The following MS4A12 variants were observed in gnomAD, a reference collection of about 807,000 sequenced individuals.
The protein encoded by MS4A12 is membrane-spanning 4-domains subfamily A member 12.
A neutral mutation model predicts 23.7 loss-of-function variants in MS4A12; 28 were observed. The ratio of observed to expected loss-of-function variants is 1.18; its 90% confidence interval spans 0.88 to 1.62. The LOEUF (loss-of-function observed/expected upper bound fraction) is 1.62. Ranked by LOEUF, MS4A12 falls within the 40% of genes most tolerant of loss-of-function variation. The pLI is 0.00. For synonymous variants in MS4A12, 108 were observed against 110.1 expected, an observed-to-expected ratio of 0.98 and a Z score of 0.12; for missense variants, 342 against 327.0, an observed-to-expected ratio of 1.05 and a Z score of -0.35.
At chr11:60,500,942 C>A (rs1038269390) in intron 2 of MS4A12, 103 bp from the exon 3 acceptor site, 2 of 1,349,718 alleles carry the variant, frequency 1.5e-6, no homozygotes, top group African/African-American at 1.5e-5. Flanking sequence ...AACGATGGAT[C>A]TCAGCAAAAT....
intron 2 of MS4A12, among the ~76,000 whole-genome samples, chr11:60,499,744 G>C (rs1029900232): frequency 6.6e-6 from 1 of 152,134 alleles, no homozygotes; most frequent in African/African-American, 2.4e-5. Flanking sequence ...TGTATTTGCA[G>C]TCTCCCTGGA....
Position 60,507,326 on chromosome 11 carries a change from G to T in MS4A12, c.*202G>T. ...ATTACCACTACTACATGCTGGCAAA[G>T]GTGAAGGATCAGAGGACTGAAAAAT... On this transcript the variant is annotated 3_prime_UTR_variant, in exon 7 of 7. Transcript: ENST00000016913. 1 of 534,096 alleles carries T rather than the reference G, an allele frequency of 1.9e-6. No individual in the cohort carries two copies. The highest frequency in any genetic ancestry group is 3.3e-6 in the Non-Finnish European group (1 of 302,344). The allele number at this position is 534,096 out of a possible 1,614,324, so 33.1% of individuals were successfully genotyped here. A position where few individuals can be genotyped will look rare whatever the true frequency, so the allele number is the denominator to read the frequency against.
intron 5 of MS4A12, among the ~76,000 whole-genome samples, chr11:60,504,649 G>T (rs1219303949): frequency 6.6e-6 from 1 of 152,140 alleles, no homozygotes; most frequent in Non-Finnish European, 1.5e-5. Context: ...TATCTATCTA[G>T]AACATATTAA....
chr11:60,500,893 C>T, intron 2 of MS4A12, 152 bp from the exon 3 acceptor site: 1 of 848,216 alleles, frequency 1.2e-6, no homozygotes, highest in Non-Finnish European at 1.8e-6. Flanking sequence ...TCAGAATCTT[C>T]ATGACCCACC....
At position 60,492,806 on chromosome 11, in the gene MS4A12, CAT is replaced by C. The variant is rs2086458826; in HGVS notation, c.-27_-26del. On this transcript the variant is annotated 5_prime_UTR_variant, in exon 1 of 7. Coordinates refer to ENST00000016913, the MANE Select transcript of MS4A12 (RefSeq NM_017716.3). Reference sequence around the variant, plus strand: ...CAGGTTGGAGCAGAGAAAGAGGAAACATAGAGGTGCCAAAGGAACAAAGTAAG... The same window carrying C: ...CAGGTTGGAGCAGAGAAAGAGGAAACAGAGGTGCCAAAGGAACAAAGTAAG... 1 of 152,214 alleles carries C rather than the reference CAT, an allele frequency of 6.6e-6. No homozygotes were observed. Among genetic ancestry groups the C allele is most frequent in the East Asian group, 1.9e-4 (1 of 5,198 alleles). The allele number at this position is 152,214 out of a possible 1,614,324, so 9.4% of individuals were successfully genotyped here.
intron 1 of MS4A12, among the ~76,000 whole-genome samples, chr11:60,496,917 TG>T (rs1299966783): frequency 6.6e-6 from 1 of 152,200 alleles, no homozygotes; most frequent in Non-Finnish European, 1.5e-5. Context: ...GGTTTCAGGA[TG>T]AAACTATTCC....
chr11:60,501,011 G>A (rs1416039635), intron 2 of MS4A12, 34 bp from the exon 3 acceptor site: 2 of 1,576,082 alleles, frequency 1.3e-6, no homozygotes, highest in East Asian at 2.3e-5. Context: ...TGAAAGTGAA[G>A]AAGTAATTTT....
At chr11:60,499,675 T>C (rs1022298552) in intron 2 of MS4A12, among the ~76,000 whole-genome samples, 5 of 152,230 alleles carry the variant, frequency 3.3e-5, no homozygotes, top group African/African-American at 9.6e-5. Context: ...TTTTCTAATT[T>C]TAATTCGATT....
chr11:60,495,721 A>G (rs1032382966), intron 1 of MS4A12, among the ~76,000 whole-genome samples: 1 of 152,228 alleles, frequency 6.6e-6, no homozygotes, highest in African/African-American at 2.4e-5. Context: ...ACATGACACT[A>G]TACAGACCCT....
At chr11:60,500,267 A>T (rs1231361851) in intron 2 of MS4A12, among the ~76,000 whole-genome samples, 2 of 152,022 alleles carry the variant, frequency 1.3e-5, no homozygotes, top group African/African-American at 2.4e-5. Flanking sequence ...AAAACAAAAA[A>T]AAAAACAATA....
chr11:60,493,523 A>G (rs929648059), intron 1 of MS4A12, among the ~76,000 whole-genome samples: 3 of 152,260 alleles, frequency 2.0e-5, no homozygotes, highest in African/African-American at 7.2e-5. Flanking sequence ...ACAACATAGA[A>G]CACAGAAGTA....
rs189385523 is a variant in MS4A12, at chr11:60,503,683, T to C, written c.472-18T>C. The stretch of plus-strand genomic sequence containing the variant: ...GTGATCCTGTATATAATTGATTTTT[T>C]CCTGCCATCTCCATTAGGTGAAAGG... On this transcript the variant is annotated intron_variant, in intron 4 of 6. Transcript: ENST00000016913. 1,495 of 1,582,882 alleles carry C rather than the reference T, an allele frequency of 9.4e-4. 3 individuals are homozygous for C. The highest frequency in any genetic ancestry group is 1.2e-3 in the Non-Finnish European group (1,382 of 1,155,660).
intron 4 of MS4A12, among the ~76,000 whole-genome samples, chr11:60,503,446 TA>T (rs1187404090): frequency 3.9e-5 from 6 of 152,234 alleles, no homozygotes; most frequent in Non-Finnish European, 5.9e-5. Context: ...AAGCTTTTAG[TA>T]AAATCCAATA....
chr11:60,499,069 A>T (rs1276170972), intron 2 of MS4A12, among the ~76,000 whole-genome samples: 1 of 152,202 alleles, frequency 6.6e-6, no homozygotes, highest in African/African-American at 2.4e-5. Flanking sequence ...GCGTGTGATA[A>T]AAATACTTTA....
In MS4A12 at chr11:60,506,841, G is replaced by T; in HGVS notation, c.699+3G>T. 1 of 1,609,324 alleles carries T rather than the reference G, an allele frequency of 6.2e-7. No homozygotes were observed. The highest frequency in any genetic ancestry group is 8.5e-7 in the Non-Finnish European group (1 of 1,175,584). Reference sequence around the variant, plus strand: ...AAGCAAACACCACAACCAATATGGTGAGTTGGGTCTCTTCTTTGTAAAATA... The same window carrying T: ...AAGCAAACACCACAACCAATATGGTTAGTTGGGTCTCTTCTTTGTAAAATA... On this transcript the variant is annotated splice_donor_region_variant and intron_variant, in intron 6 of 6. Transcript: ENST00000016913.
In MS4A12 at chr11:60,501,975, T is replaced by C; in HGVS notation, c.415-8T>C. On this transcript the variant is annotated splice_polypyrimidine_tract_variant and splice_region_variant and intron_variant, in intron 3 of 6. Coordinates refer to ENST00000016913, the MANE Select transcript of MS4A12 (RefSeq NM_017716.3). ...CCATTTCACAAATAAATTTGTCCAT[T>C]TCCACAGTTTATTATCTCTGGCTCT... 6.2e-7 allele frequency: 1 copy of C among 1,609,696 alleles called. No individual in the cohort carries two copies. The highest frequency in any genetic ancestry group is 8.5e-7 in the Non-Finnish European group (1 of 1,176,716).
chr11:60,503,873 G>T, intron 5 of MS4A12, 56 bp downstream of exon 5: 1 of 1,480,100 alleles, frequency 6.8e-7, no homozygotes, highest in Non-Finnish European at 9.3e-7. Context: ...CGTAAAGTGG[G>T]TCTATGTTTT....
At chr11:60,495,782 C>A (rs961898519) in intron 1 of MS4A12, among the ~76,000 whole-genome samples, 8 of 152,158 alleles carry the variant, frequency 5.3e-5, no homozygotes, top group African/African-American at 1.9e-4. Flanking sequence ...ATACACCTCA[C>A]CTAAAGCTTG....
At chr11:60,499,825 G>C (rs75319250) in intron 2 of MS4A12, among the ~76,000 whole-genome samples, 1 of 152,156 alleles carries the variant, frequency 6.6e-6, no homozygotes, top group Non-Finnish European at 1.5e-5. Context: ...ATCTAGAAAT[G>C]ATTATTCCTC....
Sources: allele counts gnomAD v4.1 joint callset (sites outside exome capture counted in the v4.1 genomes callset), GRCh38; gene constraint gnomAD v4.1.1; transcripts MANE v1.5; gene names NCBI Gene and HGNC (gene_info 2026-07-23, HGNC 2026-07-21).